Variants in FLAD1 observed in about 807,000 individuals in gnomAD.
The protein encoded by FLAD1 is flavin adenine dinucleotide synthetase 1.
A neutral mutation model predicts 55.0 loss-of-function variants in FLAD1; 35 were observed. The ratio of observed to expected loss-of-function variants is 0.64; its 90% CI spans 0.49 to 0.84. The LOEUF is 0.84. Ranked by LOEUF, FLAD1 falls within the 40% of genes least tolerant of loss-of-function variation. The pLI, the probability that FLAD1 is intolerant of heterozygous loss-of-function variation, is 0.00. For missense variants in FLAD1, 665 were observed against 742.6 expected, an observed-to-expected ratio of 0.90 and a Z score of 1.21; for synonymous variants, 267 against 303.0, an observed-to-expected ratio of 0.88 and a Z score of 1.23.
At chr1:154,984,157 G>C (rs1373036367) in intron 1 of FLAD1, 91 bp downstream of exon 1, 5 of 1,213,378 alleles carry the variant, frequency 4.1e-6, no homozygotes, top group Non-Finnish European at 5.4e-6. Context: ...AGGTGAAACA[G>C]GGTGGGAGCC....
At chr1:154,989,036 G>A in intron 2 of FLAD1, 187 bp downstream of exon 2, 4 of 1,394,636 alleles carry the variant, frequency 2.9e-6, no homozygotes, top group Non-Finnish European at 3.8e-6. Flanking sequence ...TGTGCTAGGT[G>A]TTGGGGATAT....
chr1:154,988,599 T>G lies in FLAD1; in HGVS notation c.867T>G (p.Asp289Glu). 3.7e-6 allele frequency: 6 copies of G among 1,614,200 alleles called. No individual in the cohort carries two copies. The highest frequency in any genetic ancestry group is 5.1e-6 in the Non-Finnish European group (6 of 1,180,036). ...CAAAGGAGCTATATGTGGCTGCTGATGAAGCCTCCATCGCCCCCATTCTGG... is the reference window on the plus strand; with the variant it reads ...CAAAGGAGCTATATGTGGCTGCTGAGGAAGCCTCCATCGCCCCCATTCTGG... Reference protein sequence around the residue: ...FHSKELYVAADEASIAPILAE... With the variant: ...FHSKELYVAAEEASIAPILAE... Residue 289 changes from aspartate to glutamate, a missense_variant, in exon 2 of 7, where the codon GAT becomes GAG. Coordinates refer to ENST00000292180, the MANE Select transcript of FLAD1 (RefSeq NM_025207.5).
At chr1:154,987,977 C>G (rs1657690906) in intron 1 of FLAD1, 128 bp from the exon 2 acceptor site, 2 of 1,562,666 alleles carry the variant, frequency 1.3e-6, no homozygotes, top group Non-Finnish European at 1.7e-6. Flanking sequence ...CCAGGCCCCT[C>G]AGCAGCCTGA....
Position 154,993,007 on chromosome 1 carries a change from CGAA to C in FLAD1, c.1740_1742del (p.Glu582del), listed in dbSNP as rs1310928619. ...ACCGTCCAGCCTATCTACTGGAGAA[CGAA>C]GAAGAGGAGCGGAACTCCCGCACAT... On this transcript the variant is annotated inframe_deletion, in exon 7 of 7. Coordinates refer to ENST00000292180, the MANE Select transcript of FLAD1 (RefSeq NM_025207.5). The C allele has an allele frequency of 1.9e-6, 3 of 1,614,062 alleles. No homozygotes were observed.
chr1:154,984,066 G>A lies in FLAD1; in HGVS notation c.372G>A (p.Lys124=). 3 of 1,506,388 alleles carry A rather than the reference G, an allele frequency of 2.0e-6. No individual in the cohort carries two copies. Among genetic ancestry groups the A allele is most frequent in the Non-Finnish European group, 1.8e-6 (2 of 1,127,086 alleles). 93.3% of individuals were successfully genotyped at this position (1,506,388 alleles called of 1,614,324 possible). A position where few individuals can be genotyped will look rare whatever the true frequency, so the allele number is the denominator to read the frequency against. Residue 124 remains lysine (K), a splice_region_variant and synonymous_variant, in exon 1 of 7, where the codon AAG becomes AAA. Coordinates refer to ENST00000292180, the MANE Select transcript of FLAD1 (RefSeq NM_025207.5). ...TCATTGTTGGAGATGAGATCCTTAA[G>A]GTGTGTCTGGGACAGAAAAGGGGGG... The part of the protein sequence containing the change: ...GIIIVGDEIL[K]GHTQDTNTFF...
chr1:154,989,086 GTGTTTT>G, intron 2 of FLAD1: 1 of 1,015,334 alleles, frequency 9.8e-7, no homozygotes, highest in Admixed American at 2.9e-5. Flanking sequence ...TTATGGACCA[GTGTTTT>G]AACAAAAAAA....
In FLAD1 at chr1:154,989,631, A is replaced by G. The variant is rs764079017; in HGVS notation, c.1189A>G (p.Thr397Ala). The G allele has an allele frequency of 8.1e-6, 13 of 1,602,062 alleles. No individual in the cohort carries two copies. The Admixed American group carries it at 2.2e-4, about 27-fold the overall frequency. The change falls in exon 3 of 7, where the codon ACC (threonine) becomes GCC (alanine). Residue 397 changes from threonine (T) to alanine (A), a missense_variant. Transcript: ENST00000292180. ...IETSLAQYSL[T>A]QLCVGFNGGK... ...GACCTCCCTGGCTCAGTACAGCCTC[A>G]CCCAGCTCTGTGTGGGCTTCAACGG... is the stretch of plus-strand genomic sequence containing the variant.
Position 154,984,002 on chromosome 1 carries a change from C to G in FLAD1, c.308C>G (p.Ser103Cys), listed in dbSNP as rs368689507. 1.3e-6 allele frequency: 2 copies of G among 1,519,794 alleles called. No homozygotes were observed. Among genetic ancestry groups the G allele is most frequent in the Non-Finnish European group, 1.8e-6 (2 of 1,133,872 alleles). 94.1% of individuals were successfully genotyped at this position (1,519,794 alleles called of 1,614,324 possible). ...GGCAGGACCATGACATCTAGGGCCT[C>G]TGAACTTTCTCCGGGGCGCAGCGTG... The part of the protein sequence containing the change: ...REGRTMTSRA[S>C]ELSPGRSVTA... The change falls in exon 1 of 7, where the codon TCT becomes TGT. Residue 103 changes from serine (S) to cysteine (C), a missense_variant. By Grantham distance (112) the Ser-to-Cys change is moderately radical. Transcript: ENST00000292180.
chr1:154,989,327 C>G lies in FLAD1; in HGVS notation c.1118-233C>G, dbSNP rs138981684. On this transcript the variant is annotated intron_variant, in intron 2 of 6. Transcript: ENST00000292180. ...ATGGAAGGAAGCCCACACCCCACAC[C>G]CCCTGCTACAGAGGAATGACACTGA... 8.2e-3 allele frequency among the ~76,000 whole-genome samples: 1,245 copies of G among 152,246 alleles called. 7 individuals carry two copies. The highest frequency in any genetic ancestry group is 0.016 in the Admixed American group (245 of 15,290).
chr1:154,989,922 G>C (rs1490464954), intron 3 of FLAD1, among the ~76,000 whole-genome samples: 1 of 152,216 alleles, frequency 6.6e-6, no homozygotes, highest in African/African-American at 2.4e-5. Context: ...GGAGGTCACA[G>C]TCCTGCTGGG....
chr1:154,986,700 C>A (rs527836105), intron 1 of FLAD1, among the ~76,000 whole-genome samples: 2 of 139,888 alleles, frequency 1.4e-5, no homozygotes, highest in African/African-American at 3.0e-5. Context: ...CCCAGCCCCC[C>A]ACCCTTTTTT....
chr1:154,990,519 C>G lies in FLAD1; in HGVS notation c.1545C>G (p.Asn515Lys). 7 of 1,601,274 alleles carry G rather than the reference C, an allele frequency of 4.4e-6. No homozygotes were observed. Among genetic ancestry groups the G allele is most frequent in the Non-Finnish European group, 6.0e-6 (7 of 1,172,742 alleles). ...DPGWPAFMRI[N>K]PLLDWTYRDI... ...GCTGGCCCGCATTCATGCGCATCAACCCACTGCTGGTAATGGGGAAGAGGG... is the reference window on the plus strand; with the variant it reads ...GCTGGCCCGCATTCATGCGCATCAAGCCACTGCTGGTAATGGGGAAGAGGG... Residue 515 changes from asparagine to lysine, a missense_variant, in exon 5 of 7, where the codon AAC becomes AAG. Physicochemically the swap from Asn to Lys is moderately conservative, Grantham distance 94. Transcript: ENST00000292180.
intron 5 of FLAD1, among the ~76,000 whole-genome samples, chr1:154,991,580 T>C (rs57768440): frequency 0.037 from 5,651 of 151,938 alleles, 352 homozygotes; most frequent in African/African-American, 0.13. Flanking sequence ...AATACAGTTA[T>C]TCAGTTGTAC....
Position 154,992,375 on chromosome 1 carries a change from A to G in FLAD1, c.1555-338A>G, listed in dbSNP as rs890090303. Among the ~76,000 whole-genome samples the G allele has an allele frequency of 3.6e-4, 48 of 134,812 alleles. No individual in the cohort carries two copies. In the Middle Eastern group the frequency reaches 0.026, roughly 73 times the overall value. 88.4% of individuals were successfully genotyped at this position (134,812 alleles called of 152,430 possible). A position where few individuals can be genotyped will look rare whatever the true frequency, so the allele number is the denominator to read the frequency against. On this transcript the variant is annotated intron_variant, in intron 5 of 6. Coordinates refer to ENST00000292180, the MANE Select transcript of FLAD1 (RefSeq NM_025207.5). ...GGAGAATGGCATGAACCCGGGAGGC[A>G]GAGGTTGCAGTGAGCCAAGACCACG... is the stretch of plus-strand genomic sequence containing the variant.
At chr1:154,992,079 G>T (rs373341880) in intron 5 of FLAD1, among the ~76,000 whole-genome samples, 1 of 149,264 alleles carries the variant, frequency 6.7e-6, no homozygotes, top group South Asian at 2.1e-4. Context: ...GGAAGCGGAG[G>T]TTGCAGTGAG....
At position 154,988,068 on chromosome 1, in the gene FLAD1, CAG is replaced by C. The variant is rs762410845; in HGVS notation, c.373-36_373-35del. 14 of 1,613,982 alleles carry C rather than the reference CAG, an allele frequency of 8.7e-6. 1 individual carries two copies. In the South Asian group the frequency reaches 1.5e-4, roughly 18 times the overall value. On this transcript the variant is annotated intron_variant, in intron 1 of 6. Transcript: ENST00000292180. ...CTTCAACCCCTCCCCTTCATCCCTA[CAG>C]TACTGATGGCCTCATCTTCCCCTTC...
intron 5 of FLAD1, 158 bp from the exon 6 acceptor site, chr1:154,992,555 G>C (rs1267373326): frequency 6.2e-7 from 1 of 1,612,116 alleles, no homozygotes; most frequent in African/African-American, 1.3e-5. Flanking sequence ...CTTTCTCTTT[G>C]CATACATAGA....
chr1:154,992,124 CAG>C (rs1371794939), intron 5 of FLAD1, among the ~76,000 whole-genome samples: 2 of 114,254 alleles, frequency 1.8e-5, no homozygotes, highest in Non-Finnish European at 3.4e-5. Context: ...GCCTGGGTGA[CAG>C]AGCAAGACTC....
Position 154,988,478 on chromosome 1 carries a change from G to A in FLAD1, c.746G>A (p.Arg249Gln), listed in dbSNP as rs750133322. ...QPFRFPLVSV[R>Q]NVYLFPGIPE... ...TTCAGATTCCCTCTGGTCTCCGTCC[G>A]AAACGTCTACCTCTTCCCAGGCATT... The change falls in exon 2 of 7, where the codon CGA (arginine) becomes CAA (glutamine). Residue 249 changes from arginine to glutamine, a missense_variant. By Grantham distance (43) the Arg-to-Gln change is conservative (BLOSUM62 1). Transcript: ENST00000292180. 41 of 1,614,108 alleles carry A rather than the reference G, an allele frequency of 2.5e-5. 2 individuals are homozygous for A. Among genetic ancestry groups the A allele is most frequent in the South Asian group, 1.3e-4 (12 of 91,088 alleles).
Sources: gnomAD v4.1 joint callset for allele counts (sites outside exome capture counted in the v4.1 genomes callset) on GRCh38, gnomAD v4.1.1 for gene constraint, MANE v1.5 for transcripts, NCBI Gene and HGNC (gene_info 2026-07-23, HGNC 2026-07-21) for gene names.